GALNT13: variants seen among roughly 807,000 people sequenced by gnomAD.
GALNT13 encodes polypeptide N-acetylgalactosaminyltransferase 13, also known as UDP-GalNAc:polypeptide N-acetylgalactosaminyltransferase 13.
A neutral mutation model predicts 64.2 loss-of-function variants in GALNT13; 28 were observed. The ratio of observed to expected loss-of-function variants is 0.44; its 90% CI spans 0.32 to 0.60. The LOEUF is 0.60. Among genes scored for constraint, GALNT13 ranks in the 20% least tolerant of loss-of-function variants. The pLI is 0.05. For synonymous variants in GALNT13, 214 were observed against 224.6 expected (o/e 0.95, Z 0.42); for missense variants, 577 against 669.8 (o/e 0.86, Z 1.53).
the GALNT13 span, among the ~76,000 whole-genome samples, chr2:153,826,415 A>G: frequency 6.6e-6 from 1 of 152,172 alleles, no homozygotes. Flanking sequence ...CAACAGTCTC[A>G]TTGTGGATTA....
At chr2:153,663,318 C>T in the GALNT13 span, among the ~76,000 whole-genome samples, 5 of 152,132 alleles carry the variant, frequency 3.3e-5, no homozygotes, top group African/African-American at 1.2e-4. Flanking sequence ...AATAATAACT[C>T]TAATGTCATA....
the GALNT13 span, among the ~76,000 whole-genome samples, chr2:153,782,605 C>G: frequency 6.6e-6 from 1 of 152,076 alleles, no homozygotes; most frequent in Non-Finnish European, 1.5e-5. Context: ...TGAGTTTAAT[C>G]TAACATACCT....
intron 9 of GALNT13, among the ~76,000 whole-genome samples, chr2:154,306,807 T>C (rs558310118): frequency 9.9e-5 from 15 of 152,104 alleles, no homozygotes; most frequent in Non-Finnish European, 1.9e-4. Context: ...GCAGCAATGA[T>C]CTTAGGTTTT....
the GALNT13 span, among the ~76,000 whole-genome samples, chr2:153,232,532 C>A: frequency 6.6e-6 from 1 of 152,198 alleles, no homozygotes; most frequent in East Asian, 1.9e-4. Flanking sequence ...TTCAGAGAAT[C>A]TTAATCTATC....
At chr2:154,092,679 C>T (rs991256049) in intron 3 of GALNT13, among the ~76,000 whole-genome samples, 1 of 152,000 alleles carries the variant, frequency 6.6e-6, no homozygotes, top group East Asian at 1.9e-4. Context: ...AGTATCAAGC[C>T]TAAGAGAAAT....
chr2:154,317,490 A>G (rs1245156068), intron 9 of GALNT13, among the ~76,000 whole-genome samples: 1 of 152,174 alleles, frequency 6.6e-6, no homozygotes, highest in East Asian at 1.9e-4. Context: ...TTCTTATCCA[A>G]ACTTTCTAAC....
chr2:153,836,628 A>G, the GALNT13 span, among the ~76,000 whole-genome samples: 1 of 151,308 alleles, frequency 6.6e-6, no homozygotes, highest in Non-Finnish European at 1.5e-5. Context: ...ATTTAACATT[A>G]GGTATATCTC....
chr2:153,552,103 T>G, the GALNT13 span, among the ~76,000 whole-genome samples: 10 of 152,178 alleles, frequency 6.6e-5, no homozygotes, highest in African/African-American at 2.4e-4. Flanking sequence ...GTTGAGATGA[T>G]GATCAAAAAT....
At chr2:153,120,436 C>A in the GALNT13 span, among the ~76,000 whole-genome samples, 36 of 152,264 alleles carry the variant, frequency 2.4e-4, no homozygotes, top group Admixed American at 3.9e-4. Context: ...ACCATAGGAT[C>A]TTGACTGTGA....
the GALNT13 span, among the ~76,000 whole-genome samples, chr2:153,769,921 T>G: frequency 4.0e-3 from 611 of 152,356 alleles, 1 homozygote; most frequent in Non-Finnish European, 6.9e-3. Flanking sequence ...CTAGGAGTTC[T>G]GTTTAGTCTT....
At chr2:154,233,776 A>G (rs1202707151) in intron 4 of GALNT13, among the ~76,000 whole-genome samples, 1 of 152,156 alleles carries the variant, frequency 6.6e-6, no homozygotes, top group Non-Finnish European at 1.5e-5. Flanking sequence ...ACAGAACAAT[A>G]GAGTGGAGAA....
In GALNT13 at chr2:154,129,864, A is replaced by G. The variant is rs144295161; in HGVS notation, c.143-10473A>G. ...AGATCTCCTGATCATCAACTTTCCA[A>G]TCATGTTCTTTGCAGTTCCCTTACC... is the stretch of plus-strand genomic sequence containing the variant. On this transcript the variant is annotated intron_variant, in intron 3 of 12. Transcript: ENST00000392825. Among the ~76,000 whole-genome samples, 162 of 152,120 alleles carry G rather than the reference A, an allele frequency of 1.1e-3. 1 individual carries two copies. Among genetic ancestry groups the G allele is most frequent in the Non-Finnish European group, 1.8e-3 (125 of 67,990 alleles).
At chr2:153,223,094 T>C in the GALNT13 span, among the ~76,000 whole-genome samples, 3 of 152,228 alleles carry the variant, frequency 2.0e-5, no homozygotes, top group Non-Finnish European at 4.4e-5. Flanking sequence ...ATTTAAATGA[T>C]GATAACGAGA....
At chr2:154,348,100 G>C (rs1057087761) in intron 9 of GALNT13, among the ~76,000 whole-genome samples, 1 of 152,142 alleles carries the variant, frequency 6.6e-6, no homozygotes, top group Non-Finnish European at 1.5e-5. Flanking sequence ...CTATAGCATT[G>C]TGTTATATCC....
chr2:153,482,585 T>C, the GALNT13 span, among the ~76,000 whole-genome samples: 237 of 152,330 alleles, frequency 1.6e-3, no homozygotes, highest in Non-Finnish European at 2.6e-3. Context: ...TTCTCCTGCC[T>C]CAGCCTCCTG....
chr2:153,885,261 C>A (rs534503747), intron 1 of GALNT13, among the ~76,000 whole-genome samples: 1 of 151,988 alleles, frequency 6.6e-6, no homozygotes, highest in Non-Finnish European at 1.5e-5. Context: ...TAAAGGTGTT[C>A]ATTGCCTTCT....
chr2:153,961,415 T>C (rs1574212610), intron 3 of GALNT13, among the ~76,000 whole-genome samples: 1 of 152,350 alleles, frequency 6.6e-6, no homozygotes, highest in South Asian at 2.1e-4. Flanking sequence ...CTTAATAAGT[T>C]ATTACAGCAA....
At chr2:153,608,825 G>T in the GALNT13 span, among the ~76,000 whole-genome samples, 3 of 144,536 alleles carry the variant, frequency 2.1e-5, no homozygotes, top group African/African-American at 7.6e-5. Context: ...ATACCCTAAA[G>T]AATAAATATA....
chr2:153,190,402 G>A, the GALNT13 span, among the ~76,000 whole-genome samples: 307 of 151,964 alleles, frequency 2.0e-3, no homozygotes, highest in Non-Finnish European at 3.3e-3. Context: ...CAATACAGGA[G>A]TTTATTTCTG....
Sources: allele counts gnomAD v4.1 joint callset (sites outside exome capture counted in the v4.1 genomes callset), GRCh38; gene constraint gnomAD v4.1.1; transcripts MANE v1.5; gene names NCBI Gene and HGNC (gene_info 2026-07-23, HGNC 2026-07-21).